TRPS1: variants seen among roughly 807,000 people sequenced by gnomAD.
The protein encoded by TRPS1 is transcriptional repressor GATA binding 1, also known as zinc finger transcription factor Trps1.
In TRPS1, 6 loss-of-function variants were observed where a neutral mutation model predicts 101.2. The ratio of observed to expected loss-of-function variants is 0.06; its 90% CI spans 0.03 to 0.12. The LOEUF is 0.12. Among genes scored for constraint, TRPS1 ranks in the 10% least tolerant of loss-of-function variants. The pLI, the probability that TRPS1 is intolerant of heterozygous loss-of-function variation, is 1.00. For missense variants in TRPS1, 1,363 were observed against 1,567.0 expected (o/e 0.87, Z 2.20); for synonymous variants, 578 against 589.8 (o/e 0.98, Z 0.29).
chr8:115,578,218 T>G (rs1014051690), intron 5 of TRPS1, among the ~76,000 whole-genome samples: 1 of 152,210 alleles, frequency 6.6e-6, no homozygotes, highest in Non-Finnish European at 1.5e-5. Flanking sequence ...TCATTAAATA[T>G]GTCAATTTAC....
At chr8:115,463,198 T>C (rs1222361339) in intron 5 of TRPS1, among the ~76,000 whole-genome samples, 1 of 152,206 alleles carries the variant, frequency 6.6e-6, no homozygotes, top group East Asian at 1.9e-4. Flanking sequence ...AGGTAGGGAA[T>C]GAATCATGAA....
At chr8:115,475,251 A>T (rs1447284429) in intron 5 of TRPS1, among the ~76,000 whole-genome samples, 4 of 140,802 alleles carry the variant, frequency 2.8e-5, no homozygotes, top group Admixed American at 1.4e-4. Context: ...TTTACTATAT[A>T]TTTTTGAATC....
At chr8:115,435,697 A>G (rs541674173) in intron 5 of TRPS1, among the ~76,000 whole-genome samples, 1 of 152,302 alleles carries the variant, frequency 6.6e-6, no homozygotes, top group South Asian at 2.1e-4. Context: ...GAGAGTTACT[A>G]CAATGTTCTT....
intron 5 of TRPS1, among the ~76,000 whole-genome samples, chr8:115,478,730 G>T (rs1254314779): frequency 1.3e-5 from 2 of 151,546 alleles, no homozygotes; most frequent in Admixed American, 1.3e-4. Flanking sequence ...CTTGAACCTG[G>T]GAGGAGAAGC....
At chr8:115,558,022 C>T (rs537802294) in intron 5 of TRPS1, among the ~76,000 whole-genome samples, 20 of 151,364 alleles carry the variant, frequency 1.3e-4, no homozygotes, top group African/African-American at 4.9e-4. Flanking sequence ...AAACTCTAAG[C>T]TTAGAATCCA....
chr8:115,525,345 C>T (rs1192273141), intron 5 of TRPS1, among the ~76,000 whole-genome samples: 1 of 152,032 alleles, frequency 6.6e-6, no homozygotes, highest in Non-Finnish European at 1.5e-5. Context: ...AAGAATTTGT[C>T]TATAGTACAG....
At chr8:115,542,038 T>A (rs766220842) in intron 5 of TRPS1, among the ~76,000 whole-genome samples, 11 of 152,260 alleles carry the variant, frequency 7.2e-5, no homozygotes, top group Middle Eastern at 3.4e-3. Context: ...TTAATGGTGA[T>A]AGTAGCAGCA....
chr8:115,619,748 T>A lies in TRPS1; in HGVS notation c.350A>T (p.Glu117Val). The A allele has an allele frequency of 6.2e-7, 1 of 1,614,202 alleles. No individual in the cohort carries two copies. Among genetic ancestry groups the A allele is most frequent in the Admixed American group, 1.7e-5 (1 of 60,024 alleles). Reference protein sequence around the residue: ...GGNFPSFPHDEVTDRNMLAFS... With the variant: ...GGNFPSFPHDVVTDRNMLAFS... The stretch of plus-strand genomic sequence containing the variant: ...AGCCAACATATTTCTGTCTGTCACC[T>A]CATCATGCGGAAAGGAGGGAAAGTT... Residue 117 changes from glutamate to valine, a missense_variant, in exon 3 of 7, where the codon GAG becomes GTG. Physicochemically the swap from Glu to Val is moderately radical, Grantham distance 121. Around this residue, in one of 5 missense-constraint regions of TRPS1, gnomAD observed 1,020 missense variants for 1,073.0 expected, o/e 0.95. Coordinates refer to ENST00000395715, the MANE Select transcript of TRPS1 (RefSeq NM_014112.5).
At chr8:115,477,645 G>A (rs759216637) in intron 5 of TRPS1, among the ~76,000 whole-genome samples, 91 of 152,262 alleles carry the variant, frequency 6.0e-4, no homozygotes, top group Non-Finnish European at 1.2e-3. Flanking sequence ...TCATGTCTTT[G>A]AGGTGTAAAA....
chr8:115,487,943 T>C (rs978257843), intron 5 of TRPS1, among the ~76,000 whole-genome samples: 1 of 152,222 alleles, frequency 6.6e-6, no homozygotes. Context: ...AATGAAGTTC[T>C]ACTGTGGGTA....
chr8:115,431,193 T>A (rs1813310440), intron 5 of TRPS1, among the ~76,000 whole-genome samples: 1 of 151,958 alleles, frequency 6.6e-6, no homozygotes, highest in Non-Finnish European at 1.5e-5. Context: ...TTAAATTTTT[T>A]CTTTCTCTCT....
intron 5 of TRPS1, among the ~76,000 whole-genome samples, chr8:115,473,797 AC>A (rs1489558766): frequency 6.6e-6 from 1 of 152,194 alleles, no homozygotes; most frequent in Non-Finnish European, 1.5e-5. Context: ...TCCTAGCTGT[AC>A]AACCACAACC....
chr8:115,498,036 T>C (rs552142969), intron 5 of TRPS1, among the ~76,000 whole-genome samples: 2 of 152,228 alleles, frequency 1.3e-5, no homozygotes, highest in South Asian at 2.1e-4. Context: ...AGGTGTAATA[T>C]AGGCAGAACA....
chr8:115,472,593 A>G (rs1173925532), intron 5 of TRPS1, among the ~76,000 whole-genome samples: 1 of 152,168 alleles, frequency 6.6e-6, no homozygotes, highest in African/African-American at 2.4e-5. Context: ...TCCCCTCAGA[A>G]AATTGGTTTT....
At chr8:115,473,567 G>GT (rs1814526690) in intron 5 of TRPS1, among the ~76,000 whole-genome samples, 1 of 152,054 alleles carries the variant, frequency 6.6e-6, no homozygotes, top group African/African-American at 2.4e-5. Flanking sequence ...TTTTCTCCAT[G>GT]TTTTTTCATA....
At chr8:115,546,883 G>A (rs982504747) in intron 5 of TRPS1, among the ~76,000 whole-genome samples, 2 of 152,036 alleles carry the variant, frequency 1.3e-5, no homozygotes, top group African/African-American at 2.4e-5. Context: ...TCACAAGTAC[G>A]GACAAGAGGC....
intron 5 of TRPS1, among the ~76,000 whole-genome samples, chr8:115,553,800 G>A (rs1816755699): frequency 6.6e-6 from 1 of 151,940 alleles, no homozygotes; most frequent in South Asian, 2.1e-4. Context: ...TTAGACTGTT[G>A]AATCCTTTAG....
chr8:115,508,810 G>A (rs979058653), intron 5 of TRPS1, among the ~76,000 whole-genome samples: 1 of 151,856 alleles, frequency 6.6e-6, no homozygotes, highest in Non-Finnish European at 1.5e-5. Context: ...AAAACTCTGA[G>A]GCCAGATCCT....
intron 5 of TRPS1, among the ~76,000 whole-genome samples, chr8:115,434,748 A>G (rs555777712): frequency 2.0e-4 from 30 of 152,340 alleles, no homozygotes; most frequent in Non-Finnish European, 3.5e-4. Context: ...ACAAATGCAT[A>G]GCATTCTCTG....
Sources: gnomAD v4.1 joint callset for allele counts (sites outside exome capture counted in the v4.1 genomes callset) on GRCh38, gnomAD v4.1.1 for gene constraint, gnomAD v4.1.1 regional missense constraint, MANE v1.5 for transcripts, NCBI Gene and HGNC (gene_info 2026-07-23, HGNC 2026-07-21) for gene names.